The following ZNF804B variants were observed in gnomAD, a reference collection of about 807,000 sequenced individuals.
ZNF804B encodes zinc finger 804B.
ZNF804B carries 80 observed loss-of-function variants against 101.4 expected under a neutral mutation model. That is an observed-to-expected ratio of 0.79 (90% CI 0.66 to 0.95). ZNF804B has a LOEUF of 0.95. Ranked by LOEUF, ZNF804B falls within the 40% of genes least tolerant of loss-of-function variation. ZNF804B has a pLI of 0.00. For synonymous variants in ZNF804B, 622 were observed against 558.8 expected (o/e 1.11, Z -1.59); for missense variants, 1,673 against 1,561.9 (o/e 1.07, Z -1.20).
intron 1 of ZNF804B, among the ~76,000 whole-genome samples, chr7:89,056,519 A>G (rs187873789): frequency 1.4e-3 from 213 of 152,252 alleles, no homozygotes; most frequent in Non-Finnish European, 2.3e-3. Context: ...AATTGAATAC[A>G]GCAAAGAAAA....
intron 1 of ZNF804B, among the ~76,000 whole-genome samples, chr7:89,087,163 G>A (rs1789817298): frequency 6.6e-6 from 1 of 151,706 alleles, no homozygotes; most frequent in South Asian, 2.1e-4. Context: ...TGTATATTTG[G>A]AAGCTTAAAT....
At chr7:88,952,208 C>T (rs1235000973) in intron 1 of ZNF804B, among the ~76,000 whole-genome samples, 1 of 151,694 alleles carries the variant, frequency 6.6e-6, no homozygotes, top group Non-Finnish European at 1.5e-5. Context: ...TTTGACTGGG[C>T]TTGTGCCATA....
chr7:88,951,179 G>A lies in ZNF804B; in HGVS notation c.108+191095G>A, dbSNP rs571794270. Reference sequence around the variant, plus strand: ...TCTGAATTGTCTAGGACCATACATCGGAAGGATGATGCTTCTTTTCTATGT... The same window carrying A: ...TCTGAATTGTCTAGGACCATACATCAGAAGGATGATGCTTCTTTTCTATGT... On this transcript the variant is annotated intron_variant, in intron 1 of 3. Transcript: ENST00000333190. 3.6e-4 allele frequency among the ~76,000 whole-genome samples: 54 copies of A among 151,888 alleles called. No individual in the cohort carries two copies. In the South Asian group the frequency reaches 0.01, roughly 29 times the overall value.
intron 1 of ZNF804B, among the ~76,000 whole-genome samples, chr7:89,154,403 T>A (rs373120679): frequency 6.6e-5 from 10 of 152,280 alleles, no homozygotes; most frequent in African/African-American, 1.9e-4. Context: ...CAGAGAGATA[T>A]CTGTATTTCC....
chr7:89,201,007 G>A (rs184033039), intron 1 of ZNF804B, among the ~76,000 whole-genome samples: 2 of 152,074 alleles, frequency 1.3e-5, no homozygotes, highest in African/African-American at 2.4e-5. Context: ...CTAATGAAGA[G>A]GCAGATTCTT....
intron 1 of ZNF804B, among the ~76,000 whole-genome samples, chr7:88,939,425 AG>A (rs1793024586): frequency 6.6e-6 from 1 of 152,030 alleles, no homozygotes; most frequent in South Asian, 2.1e-4. Flanking sequence ...ACAAATATGG[AG>A]GGCCAACTGT....
intron 1 of ZNF804B, among the ~76,000 whole-genome samples, chr7:88,942,549 T>C (rs992900929): frequency 6.9e-6 from 1 of 145,814 alleles, no homozygotes; most frequent in Admixed American, 6.8e-5. Context: ...TGAATTATCG[T>C]AAGGTCTTTG....
At chr7:89,246,771 A>T (rs1482236752) in intron 2 of ZNF804B, among the ~76,000 whole-genome samples, 3 of 152,046 alleles carry the variant, frequency 2.0e-5, no homozygotes, top group Non-Finnish European at 4.4e-5. Flanking sequence ...ATGGGCATAG[A>T]TTGTGGTGCA....
At chr7:88,781,808 T>C (rs1410310672) in intron 1 of ZNF804B, among the ~76,000 whole-genome samples, 5 of 151,986 alleles carry the variant, frequency 3.3e-5, no homozygotes, top group African/African-American at 1.2e-4. Flanking sequence ...CCTTTGAAAA[T>C]ATCCTCAGGT....
intron 1 of ZNF804B, among the ~76,000 whole-genome samples, chr7:89,210,404 G>A (rs562597808): frequency 5.5e-4 from 83 of 152,088 alleles, no homozygotes; most frequent in African/African-American, 1.8e-3. Context: ...ATAGGTAAAC[G>A]TGTGCCATGG....
chr7:89,035,418 A>C (rs930680590), intron 1 of ZNF804B, among the ~76,000 whole-genome samples: 1 of 136,402 alleles, frequency 7.3e-6, no homozygotes, highest in Admixed American at 7.5e-5. Flanking sequence ...TATTAGAATA[A>C]GAAAATGGTG....
intron 1 of ZNF804B, among the ~76,000 whole-genome samples, chr7:88,979,966 A>G (rs948568841): frequency 1.1e-4 from 17 of 149,614 alleles, no homozygotes; most frequent in African/African-American, 4.2e-4. Context: ...TCAGCTCACT[A>G]ATTTTTTCGT....
intron 1 of ZNF804B, among the ~76,000 whole-genome samples, chr7:88,774,210 T>C (rs1790110947): frequency 6.6e-6 from 1 of 151,552 alleles, no homozygotes; most frequent in Admixed American, 6.6e-5. Flanking sequence ...AAGTTTTTTT[T>C]TTTTTTTTTT....
At chr7:89,213,951 C>A (rs1562917979) in intron 1 of ZNF804B, among the ~76,000 whole-genome samples, 1 of 152,146 alleles carries the variant, frequency 6.6e-6, no homozygotes, top group East Asian at 1.9e-4. Flanking sequence ...ATAATAGTAA[C>A]AATTTGATAG....
At chr7:89,076,555 A>G (rs1333632916) in intron 1 of ZNF804B, among the ~76,000 whole-genome samples, 1 of 152,154 alleles carries the variant, frequency 6.6e-6, no homozygotes, top group Middle Eastern at 3.2e-3. Flanking sequence ...GACTAATACA[A>G]TCAGTTATAA....
intron 1 of ZNF804B, among the ~76,000 whole-genome samples, chr7:88,831,649 T>C (rs1282846814): frequency 6.6e-6 from 1 of 151,934 alleles, no homozygotes; most frequent in Non-Finnish European, 1.5e-5. Context: ...CCAAAAACTA[T>C]AATTAGAGAT....
intron 2 of ZNF804B, among the ~76,000 whole-genome samples, chr7:89,320,482 C>A (rs528106359): frequency 5.7e-4 from 86 of 151,790 alleles, no homozygotes; most frequent in South Asian, 4.2e-4. Context: ...AAAACACACA[C>A]AAAAAAACAG....
chr7:88,903,573 C>T (rs1792423757), intron 1 of ZNF804B, among the ~76,000 whole-genome samples: 1 of 152,196 alleles, frequency 6.6e-6, no homozygotes, highest in African/African-American at 2.4e-5. Context: ...TTCCCATCAA[C>T]AGTGTAAAAT....
intron 1 of ZNF804B, among the ~76,000 whole-genome samples, chr7:89,122,290 A>G (rs767506921): frequency 1.2e-4 from 18 of 152,214 alleles, no homozygotes; most frequent in Middle Eastern, 3.2e-3. Flanking sequence ...TTCACATGCT[A>G]CATAGCTCAT....
Sources: allele counts gnomAD v4.1 joint callset (sites outside exome capture counted in the v4.1 genomes callset), GRCh38; gene constraint gnomAD v4.1.1; transcripts MANE v1.5; gene names NCBI Gene and HGNC (gene_info 2026-07-23, HGNC 2026-07-21).